Variants in MIGA1 observed in about 807,000 individuals in gnomAD.
MIGA1 encodes family with sequence similarity 73, member A.
In MIGA1, 58 loss-of-function variants were observed where a neutral mutation model predicts 82.0. That is an observed-to-expected ratio of 0.71 (90% CI 0.57 to 0.88). The LOEUF (loss-of-function observed/expected upper bound fraction) is 0.88. Among genes scored for constraint, MIGA1 ranks in the 40% least tolerant of loss-of-function variants. The pLI, the probability that MIGA1 is intolerant of heterozygous loss-of-function variation, is 0.00. For missense variants in MIGA1, 751 were observed against 749.1 expected, an observed-to-expected ratio of 1.00 and a Z score of -0.03; for synonymous variants, 249 against 253.6, an observed-to-expected ratio of 0.98 and a Z score of 0.17.
chr1:77,793,517 T>G (rs1444451152), intron 2 of MIGA1, among the ~76,000 whole-genome samples: 2 of 152,122 alleles, frequency 1.3e-5, no homozygotes, highest in Non-Finnish European at 2.9e-5. Flanking sequence ...TGGAATGCAG[T>G]GGCACAATCT....
chr1:77,790,152 T>C (rs907283875), intron 2 of MIGA1, among the ~76,000 whole-genome samples: 3 of 152,248 alleles, frequency 2.0e-5, no homozygotes, highest in African/African-American at 7.2e-5. Context: ...TGACAATGTA[T>C]GTATATAATT....
intron 2 of MIGA1, among the ~76,000 whole-genome samples, chr1:77,786,503 T>G (rs1682166548): frequency 6.6e-6 from 1 of 152,248 alleles, no homozygotes; most frequent in African/African-American, 2.4e-5. Context: ...TAAAACTGAA[T>G]GCCTTTAACA....
chr1:77,844,193 CAT>C (rs1466567490), intron 8 of MIGA1, among the ~76,000 whole-genome samples: 15 of 148,022 alleles, frequency 1.0e-4, no homozygotes, highest in African/African-American at 3.7e-4. Flanking sequence ...TACACACACA[CAT>C]ACACACATTC....
chr1:77,870,955 G>A (rs1685957884), intron 14 of MIGA1, among the ~76,000 whole-genome samples: 2 of 151,324 alleles, frequency 1.3e-5, no homozygotes, highest in South Asian at 4.2e-4. Context: ...GCGTGGCGGT[G>A]CGCGCCTGCA....
At chr1:77,873,246 C>T (rs1047392624) in intron 15 of MIGA1, 126 bp downstream of exon 15, 2 of 944,886 alleles carry the variant, frequency 2.1e-6, no homozygotes, top group Non-Finnish European at 3.1e-6. Flanking sequence ...ATAAAAGTCA[C>T]CTAAATTCAG....
chr1:77,812,730 T>A (rs551224431), intron 5 of MIGA1, among the ~76,000 whole-genome samples: 6 of 152,342 alleles, frequency 3.9e-5, no homozygotes. Flanking sequence ...TGTTTTTTAA[T>A]TTGGAGAAAA....
At chr1:77,836,784 A>G (rs761775749) in intron 7 of MIGA1, among the ~76,000 whole-genome samples, 2 of 152,224 alleles carry the variant, frequency 1.3e-5, no homozygotes, top group African/African-American at 2.4e-5. Context: ...ATACCCTCAG[A>G]TAAAGCAGTA....
Position 77,875,147 on chromosome 1 carries a change from A to G in MIGA1, c.*83A>G. On this transcript the variant is annotated 3_prime_UTR_variant, in exon 16 of 16. Transcript: ENST00000370791. Reference sequence around the variant, plus strand: ...ATTTTGTAACATATATTACAAAGTTAACAGAATTGATGCATGTGGATTCAG... The same window carrying G: ...ATTTTGTAACATATATTACAAAGTTGACAGAATTGATGCATGTGGATTCAG... The G allele has an allele frequency of 8.8e-7, 1 of 1,140,116 alleles. No individual in the cohort carries two copies. Among genetic ancestry groups the G allele is most frequent in the Non-Finnish European group, 1.3e-6 (1 of 786,238 alleles). The allele number at this position is 1,140,116 out of a possible 1,614,324, so 70.6% of individuals were successfully genotyped here.
intron 8 of MIGA1, among the ~76,000 whole-genome samples, chr1:77,846,038 T>C (rs1229548985): frequency 6.6e-6 from 1 of 151,934 alleles, no homozygotes; most frequent in African/African-American, 2.4e-5. Flanking sequence ...CAGTGGTTTA[T>C]AGTATGTTTA....
chr1:77,847,948 C>A, intron 8 of MIGA1: 1 of 1,294,504 alleles, frequency 7.7e-7, no homozygotes, highest in African/African-American at 1.5e-5. Context: ...GGGAAAAGGT[C>A]GTAGAGACCC....
intron 1 of MIGA1, among the ~76,000 whole-genome samples, chr1:77,780,894 A>ATTT (rs1681876090): frequency 6.9e-6 from 1 of 145,530 alleles, no homozygotes. Context: ...TTGTCATAAT[A>ATTT]TTTTTTCTTT....
intron 14 of MIGA1, among the ~76,000 whole-genome samples, chr1:77,870,059 C>T (rs2101974673): frequency 8.3e-6 from 1 of 120,504 alleles, no homozygotes. Flanking sequence ...CGCCCCTCAC[C>T]TCCCGGACTG....
At chr1:77,849,989 T>G (rs1423825537) in intron 8 of MIGA1, among the ~76,000 whole-genome samples, 1 of 150,820 alleles carries the variant, frequency 6.6e-6, no homozygotes, top group Non-Finnish European at 1.5e-5. Flanking sequence ...GAGCCAAGAT[T>G]GTGCCACTGT....
chr1:77,857,456 C>T lies in MIGA1; in HGVS notation c.997-1482C>T, dbSNP rs569840821. ...CTGACCTCAGGTGATCCGCCTGCCTCAGCCTCCCAAAGTGCTGGAAGGTGC... is the reference window on the plus strand; with the variant it reads ...CTGACCTCAGGTGATCCGCCTGCCTTAGCCTCCCAAAGTGCTGGAAGGTGC... On this transcript the variant is annotated intron_variant, in intron 8 of 15. Coordinates refer to ENST00000370791, the MANE Select transcript of MIGA1 (RefSeq NM_198549.4). 3.5e-4 allele frequency among the ~76,000 whole-genome samples: 54 copies of T among 152,124 alleles called. 1 individual carries two copies. Among genetic ancestry groups the T allele is most frequent in the Non-Finnish European group, 6.2e-4 (42 of 68,000 alleles).
intron 8 of MIGA1, among the ~76,000 whole-genome samples, chr1:77,846,551 C>T (rs1350708726): frequency 6.6e-6 from 1 of 152,016 alleles, no homozygotes; most frequent in Non-Finnish European, 1.5e-5. Context: ...CCAGGCTGGT[C>T]TCAAACTCCT....
intron 12 of MIGA1, among the ~76,000 whole-genome samples, chr1:77,863,058 C>T (rs774984669): frequency 2.0e-5 from 3 of 152,124 alleles, no homozygotes; most frequent in Non-Finnish European, 4.4e-5. Flanking sequence ...CTAGTGTTCC[C>T]TTATTCAGGA....
chr1:77,795,010 C>T (rs1346091166), intron 2 of MIGA1, among the ~76,000 whole-genome samples: 1 of 152,070 alleles, frequency 6.6e-6, no homozygotes, highest in African/African-American at 2.4e-5. Context: ...GTTGCCCAGG[C>T]CGGAGTGCAG....
rs539769619 is a variant in MIGA1, at chr1:77,801,259, T to C, written c.196-72T>C. On this transcript the variant is annotated intron_variant, in intron 2 of 15. Transcript: ENST00000370791. ...AAATAGGTTAGATTAAGAGTAAGTTTAGTTATTAGGTCCTTCTTTTAAGTG... is the reference window on the plus strand; with the variant it reads ...AAATAGGTTAGATTAAGAGTAAGTTCAGTTATTAGGTCCTTCTTTTAAGTG... 4.6e-6 allele frequency: 5 copies of C among 1,078,984 alleles called. No homozygotes were observed. The African/African-American group carries it at 4.9e-5, about 11-fold the overall frequency. The allele number at this position is 1,078,984 out of a possible 1,614,324, so 66.8% of individuals were successfully genotyped here. A position where few individuals can be genotyped will look rare whatever the true frequency, so the allele number is the denominator to read the frequency against.
At chr1:77,819,021 G>C (rs1204900741) in intron 7 of MIGA1, among the ~76,000 whole-genome samples, 2 of 150,686 alleles carry the variant, frequency 1.3e-5, no homozygotes, top group African/African-American at 4.9e-5. Flanking sequence ...CGGAGGTTGC[G>C]GTGAGCTGAG....
Sources: gnomAD v4.1 joint callset for allele counts (sites outside exome capture counted in the v4.1 genomes callset) on GRCh38, gnomAD v4.1.1 for gene constraint, MANE v1.5 for transcripts, NCBI Gene and HGNC (gene_info 2026-07-23, HGNC 2026-07-21) for gene names.